The following APLP2 variants were observed in gnomAD, a reference collection of about 807,000 sequenced individuals.
APLP2 encodes the protein CDEI box-binding protein.
APLP2 carries 53 observed loss-of-function variants against 89.9 expected under a neutral mutation model. The ratio of observed to expected loss-of-function variants is 0.59; its 90% CI spans 0.47 to 0.74. The LOEUF is 0.74. Among genes scored for constraint, APLP2 ranks in the 30% least tolerant of loss-of-function variants. The pLI is 0.00. For synonymous variants in APLP2, 372 were observed against 348.6 expected (o/e 1.07, Z -0.75); for missense variants, 973 against 975.9 (o/e 1.00, Z 0.04).
At chr11:130,070,221 GC>G (rs1282002675) in intron 1 of APLP2, 139 bp downstream of exon 1, 1 of 379,632 alleles carries the variant, frequency 2.6e-6, no homozygotes, top group Admixed American at 5.3e-5. Flanking sequence ...GGTCTGGCGC[GC>G]CCTCCCCCGC....
chr11:130,108,068 GA>G (rs764414918), intron 1 of APLP2, among the ~76,000 whole-genome samples: 1 of 152,176 alleles, frequency 6.6e-6, no homozygotes, highest in Non-Finnish European at 1.5e-5. Context: ...ATTAATTCAA[GA>G]TGGATTAAAG....
intron 1 of APLP2, among the ~76,000 whole-genome samples, chr11:130,081,375 T>C (rs985133309): frequency 2.6e-5 from 4 of 152,230 alleles, no homozygotes; most frequent in Non-Finnish European, 4.4e-5. Context: ...ATAGGGATGT[T>C]GCCTACTAGC....
Position 130,141,494 on chromosome 11 carries a change from T to G in APLP2, c.1924-4T>G, listed in dbSNP as rs775197611. The G allele has an allele frequency of 6.2e-7, 1 of 1,613,604 alleles. No homozygotes were observed. Among genetic ancestry groups the G allele is most frequent in the South Asian group, 1.1e-5 (1 of 91,056 alleles). ...TGCTGCCGACATTCTCATGACTGTT[T>G]CAGGTCATTGACGAGACTCTGGATG... is the stretch of plus-strand genomic sequence containing the variant. On this transcript the variant is annotated splice_polypyrimidine_tract_variant and splice_region_variant and intron_variant, in intron 14 of 16. Coordinates refer to ENST00000338167, the MANE Select transcript of APLP2 (RefSeq NM_001142276.2). This position sits in a 1 kb window ranked among gnomAD's most constrained non-coding sequence, Gnocchi z 4.2.
intron 1 of APLP2, among the ~76,000 whole-genome samples, chr11:130,079,938 A>G (rs776641378): frequency 5.9e-5 from 9 of 152,182 alleles, no homozygotes; most frequent in Non-Finnish European, 1.0e-4. Context: ...ATGAATGTTG[A>G]GTTTTTTTCA....
intron 1 of APLP2, among the ~76,000 whole-genome samples, chr11:130,104,567 C>T (rs887978675): frequency 6.6e-6 from 1 of 152,160 alleles, no homozygotes; most frequent in Non-Finnish European, 1.5e-5. Flanking sequence ...CTGTCTTGTG[C>T]ATCCTTTATA....
At chr11:130,072,541 C>A (rs940343572) in intron 1 of APLP2, among the ~76,000 whole-genome samples, 3 of 143,656 alleles carry the variant, frequency 2.1e-5, no homozygotes, top group Non-Finnish European at 4.5e-5. Flanking sequence ...ATGGTGGGAT[C>A]TCTGGGCTCA....
rs1565548972 is a variant in APLP2, at chr11:130,079,083, T to TTTATTTATTTATTTA, written c.105+9003_105+9004insATTTATTTATTTATT. On this transcript the variant is annotated intron_variant, in intron 1 of 16. Coordinates refer to ENST00000338167, the MANE Select transcript of APLP2 (RefSeq NM_001142276.2). ...AATCCGGGAACATGACATGTATTTT[T>TTTATTTATTTATTTA]TTTATTTATTTATTTATTTATTTAT... 7.8e-4 allele frequency among the ~76,000 whole-genome samples: 102 copies of TTTATTTATTTATTTA among 130,758 alleles called. 2 individuals are homozygous for TTTATTTATTTATTTA. The highest frequency in any genetic ancestry group is 3.8e-3 in the Middle Eastern group (1 of 260). The allele number at this position is 130,758 out of a possible 152,430, so 85.8% of individuals were successfully genotyped here. A position where few individuals can be genotyped will look rare whatever the true frequency, so the allele number is the denominator to read the frequency against.
intron 1 of APLP2, among the ~76,000 whole-genome samples, chr11:130,071,604 A>ATGAC (rs1322473036): frequency 6.6e-6 from 1 of 152,240 alleles, no homozygotes; most frequent in African/African-American, 2.4e-5. Context: ...TCCCACTGCT[A>ATGAC]TGACTAATTT....
chr11:130,099,358 A>C (rs1213355857), intron 1 of APLP2, among the ~76,000 whole-genome samples: 1 of 152,234 alleles, frequency 6.6e-6, no homozygotes, highest in Non-Finnish European at 1.5e-5. Flanking sequence ...TTTGAGTAGC[A>C]CCCTATTTAT....
chr11:130,136,848 T>A lies in APLP2; in HGVS notation c.1837+1133T>A, dbSNP rs112153133. Reference sequence around the variant, plus strand: ...GTCGGGTGGCCATGCTTGGACAACTTCTTATGTGCTTGTTGGGGGTCGGGG... The same window carrying A: ...GTCGGGTGGCCATGCTTGGACAACTACTTATGTGCTTGTTGGGGGTCGGGG... On this transcript the variant is annotated intron_variant, in intron 13 of 16. Coordinates refer to ENST00000338167, the MANE Select transcript of APLP2 (RefSeq NM_001142276.2). Among the ~76,000 whole-genome samples, 535 of 152,258 alleles carry A rather than the reference T, an allele frequency of 3.5e-3. 1 individual carries two copies. Among genetic ancestry groups the A allele is most frequent in the African/African-American group, 0.012 (512 of 41,542 alleles).
intron 1 of APLP2, among the ~76,000 whole-genome samples, chr11:130,078,165 CTTTT>C (rs780312601): frequency 2.0e-4 from 27 of 135,312 alleles, no homozygotes; most frequent in African/African-American, 7.2e-4. Flanking sequence ...GTTTTTCTTT[CTTTT>C]TTTTTTTTTT....
chr11:130,093,981 G>A (rs896651887), intron 1 of APLP2, among the ~76,000 whole-genome samples: 60 of 151,270 alleles, frequency 4.0e-4, no homozygotes, highest in Admixed American at 6.6e-5. Flanking sequence ...TCCTGACCTC[G>A]TGATCCGCCT....
At chr11:130,070,284 G>A (rs1940664701) in intron 1 of APLP2, among the ~76,000 whole-genome samples, 2 of 151,088 alleles carry the variant, frequency 1.3e-5, no homozygotes, top group African/African-American at 4.8e-5. Context: ...TGCCTCAGCC[G>A]CCGCAGAGGC....
chr11:130,071,106 C>T (rs1410750432), intron 1 of APLP2, among the ~76,000 whole-genome samples: 1 of 152,120 alleles, frequency 6.6e-6, no homozygotes, highest in African/African-American at 2.4e-5. Context: ...TTTCTTCTCC[C>T]TCTTCGCTCT....
chr11:130,069,926 G>C lies in APLP2; in HGVS notation c.-52G>C. Reference sequence around the variant, plus strand: ...TCTGGGTCGCGGTGTGCTAAGCGAGGAGTCCGAGTGTGTGAGCTTGAGAGC... The same window carrying C: ...TCTGGGTCGCGGTGTGCTAAGCGAGCAGTCCGAGTGTGTGAGCTTGAGAGC... On this transcript the variant is annotated 5_prime_UTR_variant, in exon 1 of 17. Transcript: ENST00000338167. 4 of 1,339,310 alleles carry C rather than the reference G, an allele frequency of 3.0e-6. 1 individual carries two copies. The South Asian group carries it at 3.8e-5, about 13-fold the overall frequency. 83.0% of individuals were successfully genotyped at this position (1,339,310 alleles called of 1,614,324 possible).
At chr11:130,142,969 G>A (rs1591861382) in intron 16 of APLP2, among the ~76,000 whole-genome samples, 1 of 152,142 alleles carries the variant, frequency 6.6e-6, no homozygotes, top group Non-Finnish European at 1.5e-5. Flanking sequence ...TTTCAGAACT[G>A]AAAAAGACCA....
intron 1 of APLP2, among the ~76,000 whole-genome samples, chr11:130,083,689 A>G (rs11221947): frequency 0.1 from 15,325 of 151,886 alleles, 1,179 homozygotes; most frequent in African/African-American, 0.21. Flanking sequence ...ACAATATTCC[A>G]TTTTATGTAT....
intron 1 of APLP2, among the ~76,000 whole-genome samples, chr11:130,107,799 A>G (rs1175513495): frequency 2.0e-5 from 3 of 152,200 alleles, no homozygotes; most frequent in Non-Finnish European, 4.4e-5. Context: ...GCATCACGCT[A>G]CCTGACTTCA....
intron 1 of APLP2, among the ~76,000 whole-genome samples, chr11:130,076,100 A>G (rs182555677): frequency 6.6e-6 from 1 of 152,244 alleles, no homozygotes; most frequent in African/African-American, 2.4e-5. Flanking sequence ...TTTGAGACCG[A>G]GTCTCACTCT....
Sources: allele counts gnomAD v4.1 joint callset (sites outside exome capture counted in the v4.1 genomes callset), GRCh38; gene constraint gnomAD v4.1.1; non-coding constraint Gnocchi (gnomAD v3.1); transcripts MANE v1.5; gene names NCBI Gene and HGNC (gene_info 2026-07-23, HGNC 2026-07-21).